DNAH3: variants seen among roughly 807,000 people sequenced by gnomAD.
DNAH3 encodes the protein dynein axonemal heavy chain 3, also known as axonemal beta dynein heavy chain 3.
In DNAH3, 332 loss-of-function variants were observed where a neutral mutation model predicts 432.5. The ratio of observed to expected loss-of-function variants is 0.77; its 90% CI spans 0.70 to 0.84. The LOEUF is 0.84. Ranked by LOEUF, DNAH3 falls within the 40% of genes least tolerant of loss-of-function variation. The pLI, the probability that DNAH3 is intolerant of heterozygous loss-of-function variation, is 0.00. For missense variants in DNAH3, 4,861 were observed against 5,114.0 expected (o/e 0.95, Z 1.51); for synonymous variants, 1,956 against 1,900.2 (o/e 1.03, Z -0.76).
intron 46 of DNAH3, 109 bp from the exon 47 acceptor site, chr16:20,987,557 G>A: frequency 6.5e-7 from 1 of 1,540,146 alleles, no homozygotes. Context: ...ACTAGATAAT[G>A]TTTATAAAAT....
At chr16:20,979,079 A>C (rs2085733497) in intron 50 of DNAH3, among the ~76,000 whole-genome samples, 1 of 152,164 alleles carries the variant, frequency 6.6e-6, no homozygotes, top group Admixed American at 6.6e-5. Context: ...CAAGATAAAT[A>C]ATACATTATT....
At chr16:21,039,436 T>C (rs1409458875) in intron 33 of DNAH3, among the ~76,000 whole-genome samples, 1 of 152,020 alleles carries the variant, frequency 6.6e-6, no homozygotes, top group East Asian at 1.9e-4. Flanking sequence ...GCCAGGCTGG[T>C]CTCAAACTCT....
At chr16:21,076,173 A>G (rs972704609) in intron 20 of DNAH3, among the ~76,000 whole-genome samples, 3 of 152,184 alleles carry the variant, frequency 2.0e-5, no homozygotes, top group African/African-American at 7.2e-5. Flanking sequence ...ATTTGGAGAA[A>G]GGATCTTTAA....
chr16:21,138,609 G>A (rs12920141), intron 5 of DNAH3, among the ~76,000 whole-genome samples: 3,253 of 152,208 alleles, frequency 0.021, 65 homozygotes, highest in Non-Finnish European at 0.031. Flanking sequence ...TCAGGAGTTC[G>A]AGACCAGCTT....
chr16:20,972,739 ATTTTTTTTTTTTTTT>A (rs34245316), intron 51 of DNAH3, among the ~76,000 whole-genome samples: 1 of 95,976 alleles, frequency 1.0e-5, no homozygotes, highest in Non-Finnish European at 1.9e-5. Flanking sequence ...ATGCCCCGTG[ATTTTTTTTTTTTTTT>A]TTTTTTTTTG....
chr16:20,951,738 ATTTTTTTT>A (rs869256566), intron 56 of DNAH3, among the ~76,000 whole-genome samples: 4 of 73,462 alleles, frequency 5.4e-5, no homozygotes, highest in African/African-American at 1.6e-4. Context: ...CCTGGCCCGT[ATTTTTTTT>A]TTTTTTTTTT....
chr16:21,062,439 T>C (rs770505567), intron 25 of DNAH3, 43 bp downstream of exon 25: 1 of 1,548,638 alleles, frequency 6.5e-7, no homozygotes, highest in Non-Finnish European at 8.9e-7. Context: ...TCTGATTTAC[T>C]CTGTTATGGA....
intron 31 of DNAH3, among the ~76,000 whole-genome samples, chr16:21,046,998 T>C (rs1041404327): frequency 2.0e-5 from 3 of 152,082 alleles, no homozygotes; most frequent in Non-Finnish European, 4.4e-5. Flanking sequence ...ATGTTGAATA[T>C]TGGCCCCCAC....
chr16:20,970,987 G>A (rs921111492), intron 51 of DNAH3, among the ~76,000 whole-genome samples: 2 of 150,820 alleles, frequency 1.3e-5, no homozygotes, highest in Admixed American at 6.6e-5. Flanking sequence ...CGCACTTCAG[G>A]CTCCCGAGTA....
intron 12 of DNAH3, among the ~76,000 whole-genome samples, chr16:21,114,455 T>C (rs2092140436): frequency 6.6e-6 from 1 of 152,180 alleles, no homozygotes; most frequent in Non-Finnish European, 1.5e-5. Context: ...GAATTAACTT[T>C]GTGGGACTCA....
chr16:21,123,405 CCCCT>C (rs2092384187), intron 9 of DNAH3, among the ~76,000 whole-genome samples: 1 of 152,112 alleles, frequency 6.6e-6, no homozygotes, highest in African/African-American at 2.4e-5. Context: ...TATAAATTCC[CCCCT>C]ATTTTCCAGA....
At chr16:21,022,616 A>C (rs909405779) in intron 39 of DNAH3, among the ~76,000 whole-genome samples, 5 of 152,046 alleles carry the variant, frequency 3.3e-5, no homozygotes, top group African/African-American at 1.2e-4. Flanking sequence ...GGTTATCATG[A>C]TTCTTGCCTC....
intron 1 of DNAH3, among the ~76,000 whole-genome samples, chr16:21,156,808 C>T (rs1221565876): frequency 2.0e-5 from 3 of 152,092 alleles, no homozygotes; most frequent in African/African-American, 7.2e-5. Context: ...GAGGAAGCAT[C>T]TATCACACAA....
At chr16:21,133,171 G>A (rs2092592867) in intron 7 of DNAH3, among the ~76,000 whole-genome samples, 1 of 151,798 alleles carries the variant, frequency 6.6e-6, no homozygotes, top group Non-Finnish European at 1.5e-5. Flanking sequence ...GGACAACATG[G>A]TGAAACTCCG....
intron 58 of DNAH3, among the ~76,000 whole-genome samples, chr16:20,941,754 A>G (rs1375819467): frequency 1.3e-5 from 2 of 152,196 alleles, no homozygotes; most frequent in Non-Finnish European, 2.9e-5. Context: ...CTCTTGGTCC[A>G]GAAGAGTAGA....
intron 54 of DNAH3, among the ~76,000 whole-genome samples, chr16:20,955,877 A>G (rs2084539607): frequency 6.6e-6 from 1 of 152,052 alleles, no homozygotes; most frequent in Non-Finnish European, 1.5e-5. Context: ...ATCTTGGCAC[A>G]TTGCATCTGA....
chr16:20,946,979 C>A (rs2084076624), intron 57 of DNAH3, among the ~76,000 whole-genome samples: 1 of 151,796 alleles, frequency 6.6e-6, no homozygotes, highest in African/African-American at 2.4e-5. Context: ...TGCATGCCAT[C>A]ACACCCGGCT....
chr16:20,985,413 G>A lies in DNAH3; in HGVS notation c.7329C>T (p.Ala2443=), dbSNP rs767855841. 1.3e-5 allele frequency: 21 copies of A among 1,614,034 alleles called. No homozygotes were observed. The African/African-American group carries it at 1.3e-4, about 10-fold the overall frequency. Residue 2443 remains alanine, a synonymous_variant, in exon 48 of 62, where the codon GCC becomes GCT. Coordinates refer to ENST00000261383, the Ensembl canonical transcript of DNAH3. Reference sequence around the variant, plus strand: ...CGTTCATGAATGTGGACAGTTTGGCGGCACTTTGCCGCCCGCTGCCCCCTA... The same window carrying A: ...CGTTCATGAATGTGGACAGTTTGGCAGCACTTTGCCGCCCGCTGCCCCCTA...
At chr16:21,125,339 A>C in exon 9 of DNAH3, 1 of 1,610,752 alleles carries the variant, frequency 6.2e-7, no homozygotes, top group Non-Finnish European at 8.5e-7. Context: ...TCCTTCCGTG[A>C]GGTAAAAAGC....
Sources: gnomAD v4.1 joint callset for allele counts (sites outside exome capture counted in the v4.1 genomes callset) on GRCh38, gnomAD v4.1.1 for gene constraint, MANE v1.5 for transcripts, NCBI Gene and HGNC (gene_info 2026-07-23, HGNC 2026-07-21) for gene names.